The following CPT1C variants were observed in gnomAD, a reference collection of about 807,000 sequenced individuals.
CPT1C encodes the protein palmitoyl thioesterase CPT1C.
CPT1C carries 61 observed loss-of-function variants against 97.3 expected under a neutral mutation model. The observed-to-expected ratio is 0.63, with a 90% CI of 0.51 to 0.78. The LOEUF (loss-of-function observed/expected upper bound fraction) is 0.78. Among genes scored for constraint, CPT1C ranks in the 30% least tolerant of loss-of-function variants. CPT1C has a pLI of 0.00. For missense variants in CPT1C, 975 were observed against 1,065.5 expected (o/e 0.92, Z 1.18); for synonymous variants, 469 against 447.2 (o/e 1.05, Z -0.61).
rs866071184 is a variant in CPT1C at position 49,701,941 on chromosome 19, A to T, written c.693+307A>T. 8.7e-5 allele frequency among the ~76,000 whole-genome samples: 8 copies of T among 92,046 alleles called. 1 individual carries two copies. Among genetic ancestry groups the T allele is most frequent in the East Asian group, 4.8e-4 (2 of 4,186 alleles). 60.4% of individuals were successfully genotyped at this position (92,046 alleles called of 152,430 possible). A position where few individuals can be genotyped will look rare whatever the true frequency, so the allele number is the denominator to read the frequency against. On this transcript the variant is annotated intron_variant, in intron 7 of 19. Transcript: ENST00000598293. ...TTATATACAAATATTAATATTTATA[A>T]ATTTATATATAAATATATTTATATA...
At position 49,706,563 on chromosome 19, in the gene CPT1C, C is replaced by T. The variant is rs750400954; in HGVS notation, c.1343+150C>T. 1.6e-5 allele frequency: 11 copies of T among 672,242 alleles called. No individual in the cohort carries two copies. Among genetic ancestry groups the T allele is most frequent in the Non-Finnish European group, 2.1e-5 (10 of 465,588 alleles). 41.6% of individuals were successfully genotyped at this position (672,242 alleles called of 1,614,324 possible). On this transcript the variant is annotated intron_variant, in intron 12 of 19. Transcript: ENST00000598293. The surrounding 1 kb of genome is among the most constrained non-coding windows in gnomAD (Gnocchi z 4.8). ...CTGCATAGAGCTGAGGACCCCAGAC[C>T]CAGTGCTTTGGGACCTGGAGACCTC...
Position 49,704,802 on chromosome 19 carries a change from G to C in CPT1C, c.771+15G>C. On this transcript the variant is annotated intron_variant, in intron 8 of 19. Transcript: ENST00000598293. ...ATTACATGATGGTGAGAAGGGGAGG[G>C]GTGAGGTTCATAGGCCCCAGGTCTA... is the stretch of plus-strand genomic sequence containing the variant. 1 of 1,613,046 alleles carries C rather than the reference G, an allele frequency of 6.2e-7. No individual in the cohort carries two copies. Among genetic ancestry groups the C allele is most frequent in the Non-Finnish European group, 8.5e-7 (1 of 1,179,038 alleles).
rs982175801 is a variant in CPT1C, at chr19:49,711,601, CT to C, written c.1867-207del. 5.0e-6 allele frequency: 3 copies of C among 595,868 alleles called. No individual in the cohort carries two copies. The African/African-American group carries it at 5.6e-5, about 11-fold the overall frequency. 36.9% of individuals were successfully genotyped at this position (595,868 alleles called of 1,614,324 possible). A position where few individuals can be genotyped will look rare whatever the true frequency, so the allele number is the denominator to read the frequency against. On this transcript the variant is annotated intron_variant, in intron 16 of 19. Coordinates refer to ENST00000598293, the MANE Select transcript of CPT1C (RefSeq NM_001199753.2). ...GTTTGGACTCTGGGGCCAGACACAC[CT>C]AGGAACCCGCCTGGCTCTCCCTGGC...
Position 49,701,400 on chromosome 19 carries a change from G to T in CPT1C, c.537G>T (p.Val179=), listed in dbSNP as rs2083044914. The T allele has an allele frequency of 6.2e-7, 1 of 1,612,754 alleles. No individual in the cohort carries two copies. The highest frequency in any genetic ancestry group is 8.5e-7 in the Non-Finnish European group (1 of 1,179,416). ...RSLPRQPVPS[V]QDTVRKYLES... ...TGCCACGCCAGCCCGTGCCCTCTGT[G>T]CAGGACACCGTGCGCAAGGTGGGCC... Residue 179 remains valine (V), a synonymous_variant, in exon 6 of 20, where the codon GTG becomes GTT. Coordinates refer to ENST00000598293, the MANE Select transcript of CPT1C (RefSeq NM_001199753.2).
intron 4 of CPT1C, among the ~76,000 whole-genome samples, chr19:49,699,433 G>C (rs1201636511): frequency 8.6e-6 from 1 of 115,676 alleles, no homozygotes; most frequent in East Asian, 2.5e-4. Context: ...AGACCAGCCT[G>C]GGCAACATAG....
chr19:49,701,273 G>C (rs1282712718), intron 5 of CPT1C, 44 bp from the exon 6 acceptor site: 5 of 1,549,332 alleles, frequency 3.2e-6, no homozygotes, highest in Non-Finnish European at 4.4e-6. Context: ...TCAACTCCCT[G>C]GCTCCGGTGA....
chr19:49,705,055 A>G lies in CPT1C; in HGVS notation c.820A>G (p.Asn274Asp). Residue 274 changes from asparagine to aspartate, a missense_variant, in exon 9 of 20, where the codon AAT (asparagine) becomes GAT (aspartate). By Grantham distance (23) the Asn-to-Asp change is conservative. Coordinates refer to ENST00000598293, the MANE Select transcript of CPT1C (RefSeq NM_001199753.2). ...GCCTCTGCAGGCAGCTCGCGCTGGGAATGCCGTCCATGCCCTCCTCCTGTA... is the reference window on the plus strand; with the variant it reads ...GCCTCTGCAGGCAGCTCGCGCTGGGGATGCCGTCCATGCCCTCCTCCTGTA... ...PTPLQAARAGNAVHALLLYRH... is the reference protein window; with the variant it reads ...PTPLQAARAGDAVHALLLYRH... 6.2e-7 allele frequency: 1 copy of G among 1,611,686 alleles called. No homozygotes were observed. The highest frequency in any genetic ancestry group is 8.5e-7 in the Non-Finnish European group (1 of 1,178,382).
At chr19:49,705,392 T>A in intron 10 of CPT1C, 94 bp downstream of exon 10, 1 of 1,034,154 alleles carries the variant, frequency 9.7e-7, no homozygotes, top group Non-Finnish European at 1.4e-6. Flanking sequence ...CTGGGAACCA[T>A]TGCTTCCTTG....
At chr19:49,713,106 G>A in intron 19 of CPT1C, 42 bp downstream of exon 19, 1 of 1,533,718 alleles carries the variant, frequency 6.5e-7, no homozygotes, top group Non-Finnish European at 9.0e-7. Context: ...TCTTTCCTCA[G>A]GAACCAGGAG....
At position 49,710,789 on chromosome 19, in the gene CPT1C, G is replaced by A; in HGVS notation, c.1798G>A (p.Glu600Lys). 6.2e-7 allele frequency: 1 copy of A among 1,614,086 alleles called. No homozygotes were observed. Among genetic ancestry groups the A allele is most frequent in the Non-Finnish European group, 8.5e-7 (1 of 1,179,978 alleles). The stretch of plus-strand genomic sequence containing the variant: ...TCGCTTATTCCTGGAAGGCCGGACG[G>A]AGACGGTGCGGTCTTGCACGAGGGA... ...MTRLFLEGRT[E>K]TVRSCTREAC... is the part of the protein sequence containing the mutation. Residue 600 changes from glutamate to lysine, a missense_variant, in exon 16 of 20, where the codon GAG becomes AAG. Physicochemically the swap from Glu to Lys is moderately conservative, Grantham distance 56 (BLOSUM62 1). This residue lies in a region of CPT1C where 344 missense variants were observed against 395.7 expected (regional missense o/e 0.87). Transcript: ENST00000598293.
Position 49,706,436 on chromosome 19 carries a change from C to A in CPT1C, c.1343+23C>A. On this transcript the variant is annotated intron_variant, in intron 12 of 19. Coordinates refer to ENST00000598293, the MANE Select transcript of CPT1C (RefSeq NM_001199753.2). This position sits in a 1 kb window ranked among gnomAD's most constrained non-coding sequence, Gnocchi z 4.8. The stretch of plus-strand genomic sequence containing the variant: ...TCGGTGAGTGAGTCTTGGGATGGGG[C>A]CCCCAGATGTGGCACCCGAGAATCC... 1.4e-6 allele frequency: 2 copies of A among 1,440,254 alleles called. No individual in the cohort carries two copies. The highest frequency in any genetic ancestry group is 1.5e-5 in the African/African-American group (1 of 67,240). The allele number at this position is 1,440,254 out of a possible 1,614,324, so 89.2% of individuals were successfully genotyped here. A position where few individuals can be genotyped will look rare whatever the true frequency, so the allele number is the denominator to read the frequency against.
chr19:49,704,985 C>T (rs376541463), intron 8 of CPT1C, 22 bp from the exon 9 acceptor site: 9 of 1,566,566 alleles, frequency 5.7e-6, no homozygotes, highest in Non-Finnish European at 7.8e-6. Flanking sequence ...GGTGTTTTGC[C>T]ATCCCCTCTC....
rs771394188 is a variant in CPT1C at position 49,711,904 on chromosome 19, G to A, written c.1962G>A (p.Leu654=). ...GCGGGCAGGGAGTTGACCGCCACCT[G>A]TTTGCGCTGTACATCGTGTCCCGAT... is the stretch of plus-strand genomic sequence containing the variant. ...AMSGQGVDRH[L]FALYIVSRFL... The change falls in exon 17 of 20, where the codon CTG becomes CTA. Residue 654 remains leucine (L), a synonymous_variant. Coordinates refer to ENST00000598293, the MANE Select transcript of CPT1C (RefSeq NM_001199753.2). The A allele has an allele frequency of 1.4e-5, 23 of 1,614,056 alleles. No homozygotes were observed. In the Admixed American group the frequency reaches 3.7e-4, roughly 26 times the overall value.
chr19:49,692,635 G>T (rs1016465743), intron 3 of CPT1C, among the ~76,000 whole-genome samples: 12 of 152,148 alleles, frequency 7.9e-5, no homozygotes, highest in African/African-American at 2.2e-4. Context: ...GGGGAACTGG[G>T]CCCCCCAAAA....
chr19:49,705,971 C>T lies in CPT1C; in HGVS notation c.1027C>T (p.Arg343Cys), dbSNP rs202048325. ...TGTCTTCCACCGGGGCCGATTCTTCCGCATGGGGACCCACTCCCGAAACAG... is the reference window on the plus strand; with the variant it reads ...TGTCTTCCACCGGGGCCGATTCTTCTGCATGGGGACCCACTCCCGAAACAG... Reference protein sequence around the residue: ...VAVFHRGRFFRMGTHSRNSLL... With the variant: ...VAVFHRGRFFCMGTHSRNSLL... The change falls in exon 11 of 20, where the codon CGC becomes TGC. Residue 343 changes from arginine to cysteine, a missense_variant. Coordinates refer to ENST00000598293, the MANE Select transcript of CPT1C (RefSeq NM_001199753.2). 9 of 1,613,968 alleles carry T rather than the reference C, an allele frequency of 5.6e-6. No homozygotes were observed. The highest frequency in any genetic ancestry group is 1.7e-5 in the Admixed American group (1 of 60,010).
intron 7 of CPT1C, among the ~76,000 whole-genome samples, chr19:49,702,930 C>T (rs1285170207): frequency 6.6e-6 from 1 of 152,048 alleles, no homozygotes. Context: ...CCGGCAGAGC[C>T]CCACGAGGCA....
chr19:49,707,493 G>T, intron 12 of CPT1C, 25 bp from the exon 13 acceptor site: 1 of 1,572,110 alleles, frequency 6.4e-7, no homozygotes, highest in Non-Finnish European at 8.7e-7. Context: ...CGCTCTTGGT[G>T]ACCCATCTGA....
rs1314747739 is a variant in CPT1C at position 49,708,821 on chromosome 19, A to G, written c.1548A>G (p.Gln516=). The G allele has an allele frequency of 1.2e-6, 2 of 1,612,774 alleles. No homozygotes were observed. Among genetic ancestry groups the G allele is most frequent in the Non-Finnish European group, 1.7e-6 (2 of 1,179,078 alleles). The change falls in exon 14 of 20, where the codon CAA becomes CAG. Residue 516 remains glutamine, a synonymous_variant. Coordinates refer to ENST00000598293, the MANE Select transcript of CPT1C (RefSeq NM_001199753.2). The stretch of plus-strand genomic sequence containing the variant: ...CACTACCCCAGCCCCAGCGGCTGCA[A>G]TGGGACCTTCCAGACCAGGTGAGGC... The part of the protein sequence containing the change: ...DPTLPQPQRL[Q]WDLPDQIHSS...
In CPT1C at chr19:49,712,965, T is replaced by A; in HGVS notation, c.2134-7T>A. Reference sequence around the variant, plus strand: ...TATTTTCTTCCCTTCACTCTTTCCGTCTCCAGGCTGATGACCATGGTTATG... The same window carrying A: ...TATTTTCTTCCCTTCACTCTTTCCGACTCCAGGCTGATGACCATGGTTATG... On this transcript the variant is annotated splice_polypyrimidine_tract_variant and splice_region_variant and intron_variant, in intron 18 of 19. Transcript: ENST00000598293. 2 of 1,613,326 alleles carry A rather than the reference T, an allele frequency of 1.2e-6. No homozygotes were observed. The highest frequency in any genetic ancestry group is 1.3e-5 in the African/African-American group (1 of 74,972).
Sources: gnomAD v4.1 joint callset for allele counts (sites outside exome capture counted in the v4.1 genomes callset) on GRCh38, gnomAD v4.1.1 for gene constraint, gnomAD v4.1.1 regional missense constraint, Gnocchi (gnomAD v3.1) non-coding constraint, MANE v1.5 for transcripts, NCBI Gene and HGNC (gene_info 2026-07-23, HGNC 2026-07-21) for gene names.